The following TG variants were observed in gnomAD, a reference collection of about 807,000 sequenced individuals.
TG encodes the protein thyroglobulin, also known as thyroid hormones.
Under a neutral mutation model 324.7 loss-of-function variants are expected in TG, and 270 were observed. The observed-to-expected ratio is 0.83, with a 90% CI of 0.75 to 0.92. TG has a LOEUF of 0.92. Ranked by LOEUF, TG falls within the 40% of genes least tolerant of loss-of-function variation. The pLI is 0.00. For synonymous variants in TG, 1,401 were observed against 1,327.0 expected (o/e 1.06, Z -1.21); for missense variants, 3,591 against 3,456.4 (o/e 1.04, Z -0.98).
intron 43 of TG, chr8:133,102,579 T>G (rs1263916294): frequency 1.7e-5 from 26 of 1,551,288 alleles, no homozygotes; most frequent in Non-Finnish European, 2.1e-5. Flanking sequence ...CTGCCTGAGA[T>G]GTTCTCCATT....
At chr8:132,899,353 G>T (rs1392218810) in intron 14 of TG, among the ~76,000 whole-genome samples, 1 of 152,156 alleles carries the variant, frequency 6.6e-6, no homozygotes, top group Non-Finnish European at 1.5e-5. Flanking sequence ...ATAATTCAGC[G>T]AAGTACTGAT....
chr8:133,045,387 C>CTTTTT lies in TG; in HGVS notation c.7239+15385_7239+15389dup, dbSNP rs5895172. On this transcript the variant is annotated intron_variant, in intron 41 of 47. Transcript: ENST00000220616. ...AGGAACACAGGTTTCATCCTCTTTGCTTTTTTTTTTTTTTTTTTTTTTTTT... is the reference window on the plus strand; with the variant it reads ...AGGAACACAGGTTTCATCCTCTTTGCTTTTTTTTTTTTTTTTTTTTTTTTTTTTTT... 3.3e-3 allele frequency among the ~76,000 whole-genome samples: 217 copies of CTTTTT among 65,860 alleles called. 1 individual carries two copies. Among genetic ancestry groups the CTTTTT allele is most frequent in the Non-Finnish European group, 3.7e-3 (145 of 38,754 alleles). 43.2% of individuals were successfully genotyped at this position (65,860 alleles called of 152,430 possible).
chr8:132,911,248 C>T (rs1400067510), intron 18 of TG, 129 bp from the exon 19 acceptor site: 17 of 1,537,102 alleles, frequency 1.1e-5, no homozygotes, highest in South Asian at 5.8e-5. Flanking sequence ...TATTCCTTGA[C>T]CCCCTGAAGT....
chr8:133,050,264 T>C (rs1840154819), intron 41 of TG: 1 of 480,044 alleles, frequency 2.1e-6, no homozygotes, highest in African/African-American at 1.9e-5. Context: ...TGTTCCCAAC[T>C]GTTGGAGGCT....
At chr8:133,132,671 C>T (rs1014200876) in intron 46 of TG, among the ~76,000 whole-genome samples, 2 of 152,146 alleles carry the variant, frequency 1.3e-5, no homozygotes, top group Admixed American at 1.3e-4. Context: ...GACCCAGCTA[C>T]CAGCTACTAA....
chr8:133,020,848 T>C (rs1835492600), intron 39 of TG, among the ~76,000 whole-genome samples: 1 of 152,166 alleles, frequency 6.6e-6, no homozygotes, highest in Non-Finnish European at 1.5e-5. Context: ...AGCACAGCAC[T>C]TACGGGGGCA....
At chr8:132,993,019 G>T (rs1832523761) in intron 35 of TG, among the ~76,000 whole-genome samples, 1 of 152,178 alleles carries the variant, frequency 6.6e-6, no homozygotes, top group Non-Finnish European at 1.5e-5. Context: ...TTTACCGAAT[G>T]AATGAATGGA....
intron 5 of TG, among the ~76,000 whole-genome samples, chr8:132,881,191 A>G (rs1178405077): frequency 6.6e-6 from 1 of 152,192 alleles, no homozygotes; most frequent in Non-Finnish European, 1.5e-5. Flanking sequence ...CCTTTCTATT[A>G]CTTCTAAGAA....
rs1345397712 is a variant in TG at position 133,128,638 on chromosome 8, A to T, written c.7863-3174A>T. On this transcript the variant is annotated intron_variant, in intron 45 of 47. Transcript: ENST00000220616. ...AGTGGGACTTGCACAGAGCTTGCCC[A>T]TCTTGGGCAGGTAGCTTTCCCAAGC... Among the ~76,000 whole-genome samples, 4 of 152,308 alleles carry T rather than the reference A, an allele frequency of 2.6e-5. No homozygotes were observed. In the East Asian group the frequency reaches 7.7e-4, roughly 29 times the overall value.
chr8:132,873,373 G>A (rs1587179486), intron 5 of TG, 152 bp downstream of exon 5: 6 of 1,092,622 alleles, frequency 5.5e-6, no homozygotes, highest in Non-Finnish European at 7.9e-6. Flanking sequence ...CATCTAAAGT[G>A]CCACGGCGTT....
intron 43 of TG, among the ~76,000 whole-genome samples, chr8:133,098,497 T>C (rs1324595911): frequency 6.6e-6 from 1 of 152,226 alleles, no homozygotes; most frequent in East Asian, 1.9e-4. Flanking sequence ...ACTCACCTCC[T>C]TATTTGATAC....
chr8:133,096,119 T>A (rs1848370857), intron 42 of TG, 87 bp from the exon 43 acceptor site: 3 of 1,503,624 alleles, frequency 2.0e-6, no homozygotes, highest in South Asian at 2.3e-5. Flanking sequence ...TAACCAGTAT[T>A]GGCATTCAGT....
chr8:133,114,131 C>T (rs114344094), intron 44 of TG, among the ~76,000 whole-genome samples: 4,253 of 152,312 alleles, frequency 0.028, 214 homozygotes, highest in African/African-American at 0.097. Flanking sequence ...CCACCCGGCA[C>T]GTGGGAAGCA....
intron 41 of TG, chr8:133,044,986 G>T: frequency 6.2e-7 from 1 of 1,614,156 alleles, no homozygotes. Flanking sequence ...TCTCTTACCA[G>T]AATAGTGGTT....
At chr8:132,872,216 C>T (rs936265533) in intron 4 of TG, among the ~76,000 whole-genome samples, 179 of 152,124 alleles carry the variant, frequency 1.2e-3, no homozygotes, top group African/African-American at 4.0e-3. Flanking sequence ...CGGTGGCTCA[C>T]GCCTGTAATC....
Position 132,887,329 on chromosome 8 carries a change from G to C in TG, c.1957G>C (p.Gly653Arg). The change falls in exon 9 of 48, where the codon GGT becomes CGT. Residue 653 changes from glycine to arginine, a missense_variant. By Grantham distance (125) the Gly-to-Arg change is moderately radical (BLOSUM62 -2). Transcript: ENST00000220616. ...GKELPGSRVR[G>R]GQPRCPTDCE... is the part of the protein sequence containing the mutation. ...AGAGCTTCCAGGCTCAAGAGTCAGA[G>C]GTGGACAGCCAAGGTGCCCCACAGA... The C allele has an allele frequency of 6.2e-7, 1 of 1,611,244 alleles. No individual in the cohort carries two copies. The highest frequency in any genetic ancestry group is 8.5e-7 in the Non-Finnish European group (1 of 1,177,632).
intron 37 of TG, among the ~76,000 whole-genome samples, chr8:133,017,167 T>A (rs1050463031): frequency 8.5e-5 from 13 of 152,068 alleles, no homozygotes; most frequent in Admixed American, 6.6e-4. Context: ...GCCCTAGGCC[T>A]CCACCTCTAC....
At position 132,919,027 on chromosome 8, in the gene TG, G is replaced by A. The variant is rs546160925; in HGVS notation, c.4379-349G>A. 3.9e-5 allele frequency among the ~76,000 whole-genome samples: 6 copies of A among 152,266 alleles called. 1 individual carries two copies. Among genetic ancestry groups the A allele is most frequent in the Admixed American group, 3.9e-4 (6 of 15,290 alleles). ...AGCTTTCACCTTTTACTTGGTAAAAGCTCACTTCTTCTGGAAGTTATTTGG... is the reference window on the plus strand; with the variant it reads ...AGCTTTCACCTTTTACTTGGTAAAAACTCACTTCTTCTGGAAGTTATTTGG... On this transcript the variant is annotated intron_variant, in intron 20 of 47. Transcript: ENST00000220616.
chr8:133,109,970 C>G (rs1850130863), intron 43 of TG, among the ~76,000 whole-genome samples: 1 of 152,130 alleles, frequency 6.6e-6, no homozygotes, highest in Non-Finnish European at 1.5e-5. Flanking sequence ...AAATGGTGCC[C>G]AGAGAGAGAA....
Sources: allele counts gnomAD v4.1 joint callset (sites outside exome capture counted in the v4.1 genomes callset), GRCh38; gene constraint gnomAD v4.1.1; transcripts MANE v1.5; gene names NCBI Gene and HGNC (gene_info 2026-07-23, HGNC 2026-07-21).